The following CD226 variants were observed in gnomAD, a reference collection of about 807,000 sequenced individuals.
CD226 encodes CD226 molecule, also known as CD226 antigen.
In CD226, 24 loss-of-function variants were observed where a neutral mutation model predicts 34.9. The ratio of observed to expected loss-of-function variants is 0.69; its 90% CI spans 0.50 to 0.97. The LOEUF is 0.97. CD226 is among the 50% of genes least tolerant of loss of function. The pLI is 0.00. For synonymous variants in CD226, 148 were observed against 147.4 expected (o/e 1.00, Z -0.03); for missense variants, 397 against 412.7 (o/e 0.96, Z 0.33).
At chr18:69,881,153 A>T (rs1357518748) in intron 3 of CD226, among the ~76,000 whole-genome samples, 1 of 152,226 alleles carries the variant, frequency 6.6e-6, no homozygotes, top group Non-Finnish European at 1.5e-5. Context: ...ATGCACAAAT[A>T]TTATTTGTCA....
At chr18:69,915,850 T>A (rs957444323) in intron 2 of CD226, among the ~76,000 whole-genome samples, 4 of 152,150 alleles carry the variant, frequency 2.6e-5, no homozygotes, top group African/African-American at 9.7e-5. Context: ...TTTTTCACAT[T>A]TATAGGTTTG....
intron 3 of CD226, among the ~76,000 whole-genome samples, chr18:69,880,236 G>C (rs1984138506): frequency 6.7e-6 from 1 of 148,524 alleles, no homozygotes; most frequent in South Asian, 2.2e-4. Flanking sequence ...GAGAAAGAAA[G>C]AGAAAGGAAG....
At chr18:69,873,112 G>T in intron 4 of CD226, 32 bp downstream of exon 4, 2 of 1,144,984 alleles carry the variant, frequency 1.7e-6, no homozygotes, top group Non-Finnish European at 2.7e-6. Context: ...CTAACATGGT[G>T]AATAAGATTC....
At chr18:69,889,554 A>C (rs1984763506) in intron 3 of CD226, among the ~76,000 whole-genome samples, 1 of 152,174 alleles carries the variant, frequency 6.6e-6, no homozygotes, top group Non-Finnish European at 1.5e-5. Flanking sequence ...GACTGGGAGC[A>C]AACTGGTTGG....
At chr18:69,934,224 A>G (rs952102380) in intron 2 of CD226, among the ~76,000 whole-genome samples, 3 of 151,902 alleles carry the variant, frequency 2.0e-5, no homozygotes, top group African/African-American at 7.3e-5. Flanking sequence ...AAAATTTGCT[A>G]TAGTCTCGGG....
Position 69,947,559 on chromosome 18 carries a change from C to G in CD226, c.-153G>C. The stretch of plus-strand genomic sequence containing the variant: ...TGAAGTATGAACACAGGAAAAAGGC[C>G]TTAGCTTAAAAGACAGGTTTGCTCC... On this transcript the variant is annotated 5_prime_UTR_variant, in exon 1 of 6. Transcript: ENST00000582621. The G allele has an allele frequency of 4.3e-6, 2 of 468,234 alleles. No homozygotes were observed. The highest frequency in any genetic ancestry group is 7.6e-6 in the Non-Finnish European group (2 of 262,182). The allele number at this position is 468,234 out of a possible 1,614,324, so 29.0% of individuals were successfully genotyped here. A position where few individuals can be genotyped will look rare whatever the true frequency, so the allele number is the denominator to read the frequency against.
At chr18:69,867,290 G>A in intron 5 of CD226, 67 bp downstream of exon 5, 2 of 1,044,364 alleles carry the variant, frequency 1.9e-6, no homozygotes, top group South Asian at 1.3e-5. Context: ...ATTGCTAACT[G>A]CAAAAGAGAC....
intron 2 of CD226, among the ~76,000 whole-genome samples, chr18:69,939,527 T>C (rs914432752): frequency 2.0e-5 from 3 of 152,206 alleles, no homozygotes; most frequent in Admixed American, 6.5e-5. Flanking sequence ...ATTTGGGTTG[T>C]TACCAATTTT....
chr18:69,885,986 C>T (rs1053815045), intron 3 of CD226, among the ~76,000 whole-genome samples: 2 of 152,200 alleles, frequency 1.3e-5, no homozygotes, highest in African/African-American at 4.8e-5. Flanking sequence ...TGAAACCTAT[C>T]ACTTGTATAA....
chr18:69,916,088 A>T (rs2055382455), intron 2 of CD226, among the ~76,000 whole-genome samples: 1 of 152,196 alleles, frequency 6.6e-6, no homozygotes, highest in African/African-American at 2.4e-5. Context: ...AGCAAAAATA[A>T]TTTACTCGCA....
intron 3 of CD226, among the ~76,000 whole-genome samples, chr18:69,881,264 A>AG (rs1342885926): frequency 2.0e-5 from 3 of 152,344 alleles, no homozygotes. Flanking sequence ...GTTCACACAG[A>AG]GCAGATGTGG....
rs1982701239 is a variant in CD226, at chr18:69,859,116, TG to T, written c.*5197del. On this transcript the variant is annotated 3_prime_UTR_variant, in exon 6 of 6. Transcript: ENST00000582621. ...TACAACACGGAAACACATGTCCTTT[TG>T]TTCTGGAAAATGTTTTAGAGTGGAT... is the stretch of plus-strand genomic sequence containing the variant. The T allele has an allele frequency of 6.6e-6, 1 of 152,184 alleles. No homozygotes were observed. Among genetic ancestry groups the T allele is most frequent in the Non-Finnish European group, 1.5e-5 (1 of 68,040 alleles). The allele number at this position is 152,184 out of a possible 1,614,324, so 9.4% of individuals were successfully genotyped here. A position where few individuals can be genotyped will look rare whatever the true frequency, so the allele number is the denominator to read the frequency against.
intron 2 of CD226, among the ~76,000 whole-genome samples, chr18:69,910,337 G>A (rs145478291): frequency 7.9e-5 from 12 of 152,302 alleles, no homozygotes; most frequent in East Asian, 1.9e-4. Context: ...GTGACGCTGC[G>A]TGGATATGAG....
intron 2 of CD226, among the ~76,000 whole-genome samples, chr18:69,899,233 C>T (rs567383141): frequency 6.6e-6 from 1 of 152,264 alleles, no homozygotes; most frequent in East Asian, 1.9e-4. Flanking sequence ...TGCCACTGCC[C>T]CTGCCCACTA....
At chr18:69,879,351 C>A (rs371734260) in intron 3 of CD226, among the ~76,000 whole-genome samples, 1 of 152,048 alleles carries the variant, frequency 6.6e-6, no homozygotes, top group Non-Finnish European at 1.5e-5. Context: ...GGCAGACACC[C>A]CCCGCTGAGA....
chr18:69,885,798 C>T (rs1345813947), intron 3 of CD226, among the ~76,000 whole-genome samples: 1 of 152,126 alleles, frequency 6.6e-6, no homozygotes, highest in African/African-American at 2.4e-5. Flanking sequence ...GCCTGCCTCA[C>T]GTGACTCCAT....
upstream of CD226, among the ~76,000 whole-genome samples, chr18:69,952,383 A>G (rs1329218340): frequency 1.3e-5 from 2 of 152,232 alleles, no homozygotes; most frequent in Non-Finnish European, 2.9e-5. Context: ...TACATAATAA[A>G]ACTGCCCTTG....
chr18:69,864,513 C>A (rs1384757541), intron 5 of CD226, 74 bp from the exon 6 acceptor site: 18 of 1,452,972 alleles, frequency 1.2e-5, no homozygotes, highest in Non-Finnish European at 1.4e-5. Context: ...TCAAAACATA[C>A]CTCTCATAAA....
rs1294687460 is a variant in CD226 at position 69,914,147 on chromosome 18, T to C, written c.383-18102A>G. Among the ~76,000 whole-genome samples, 3 of 152,232 alleles carry C rather than the reference T, an allele frequency of 2.0e-5. No homozygotes were observed. The East Asian group carries it at 5.8e-4, about 29-fold the overall frequency. ...ATGAATTTGGCTTGTATGTATTATG[T>C]CAGAATGTGAAAAATCTCTGGCTCT... On this transcript the variant is annotated intron_variant, in intron 2 of 5. Coordinates refer to ENST00000582621, the MANE Select transcript of CD226 (RefSeq NM_001303618.2).
Sources: allele counts gnomAD v4.1 joint callset (sites outside exome capture counted in the v4.1 genomes callset), GRCh38; gene constraint gnomAD v4.1.1; transcripts MANE v1.5; gene names NCBI Gene and HGNC (gene_info 2026-07-23, HGNC 2026-07-21).